TMED3: variants seen among roughly 807,000 people sequenced by gnomAD.
TMED3 encodes transmembrane emp24 domain-containing protein 3.
TMED3 carries 9 observed loss-of-function variants against 15.0 expected under a neutral mutation model. That is an observed-to-expected ratio of 0.60 (90% CI 0.36 to 1.04). The LOEUF is 1.04. TMED3 is among the 50% of genes least tolerant of loss of function. The pLI is 0.01. For missense variants in TMED3, 267 were observed against 278.9 expected, an observed-to-expected ratio of 0.96 and a Z score of 0.30; for synonymous variants, 117 against 121.4, an observed-to-expected ratio of 0.96 and a Z score of 0.24.
In TMED3 at chr15:79,321,972, G is replaced by T. The variant is rs1439481220; in HGVS notation, c.418-6G>T. ...GCAGTGTGACTGCTTTTCTCTTCCT[G>T]CCCAGATGGAGTCCGCCTGCGTGAC... On this transcript the variant is annotated splice_region_variant and splice_polypyrimidine_tract_variant and intron_variant, in intron 2 of 2. Transcript: ENST00000299705. 1 of 1,613,542 alleles carries T rather than the reference G, an allele frequency of 6.2e-7. No homozygotes were observed. The highest frequency in any genetic ancestry group is 8.5e-7 in the Non-Finnish European group (1 of 1,179,688).
At position 79,311,387 on chromosome 15, in the gene TMED3, G is replaced by A. The variant is rs1567020374; in HGVS notation, c.138G>A (p.Glu46=). ...AGCAGTGCTTCCACGAGGAGGTGGA[G>A]CAGGGCGTGAAGTTCTCCCTGGATT... is the stretch of plus-strand genomic sequence containing the variant. ...NAKQCFHEEV[E]QGVKFSLDYQ... The change falls in exon 1 of 3, where the codon GAG becomes GAA. Residue 46 remains glutamate (E), a synonymous_variant. Coordinates refer to ENST00000299705, the MANE Select transcript of TMED3 (RefSeq NM_007364.4). 1 of 1,611,532 alleles carries A rather than the reference G, an allele frequency of 6.2e-7. No individual in the cohort carries two copies. Among genetic ancestry groups the A allele is most frequent in the Non-Finnish European group, 8.5e-7 (1 of 1,179,262 alleles).
chr15:79,330,822 C>T (rs996506974), intron 2 of TMED3, among the ~76,000 whole-genome samples: 1 of 152,114 alleles, frequency 6.6e-6, no homozygotes, highest in Non-Finnish European at 1.5e-5. Flanking sequence ...ATGGTACTGG[C>T]ATAAAAACAG....
chr15:79,313,503 C>G (rs2058726431), intron 1 of TMED3, among the ~76,000 whole-genome samples: 1 of 152,208 alleles, frequency 6.6e-6, no homozygotes, highest in East Asian at 1.9e-4. Context: ...CATTGAAACC[C>G]TGCAGAGCAA....
chr15:79,408,447 G>A (rs961915807), intron 2 of TMED3, among the ~76,000 whole-genome samples: 1 of 152,222 alleles, frequency 6.6e-6, no homozygotes, highest in African/African-American at 2.4e-5. Flanking sequence ...CGGAGCCATA[G>A]GGCATCTGCA....
chr15:79,397,562 T>C (rs971353516), intron 2 of TMED3, among the ~76,000 whole-genome samples: 3 of 152,242 alleles, frequency 2.0e-5, no homozygotes, highest in African/African-American at 7.2e-5. Context: ...ATGATTGTTG[T>C]CTGTTTCATG....
chr15:79,323,003 G>A, downstream of TMED3: 2 of 678,246 alleles, frequency 2.9e-6, no homozygotes, highest in Non-Finnish European at 3.6e-6. Flanking sequence ...ACTCCTCCCA[G>A]GTGACTGAAA....
chr15:79,385,310 G>A (rs1893610629), intron 2 of TMED3, among the ~76,000 whole-genome samples: 1 of 152,152 alleles, frequency 6.6e-6, no homozygotes, highest in South Asian at 2.1e-4. Context: ...CAAGGTGAGA[G>A]GTCCGCACCT....
At chr15:79,391,778 A>G (rs1479900548) in intron 2 of TMED3, among the ~76,000 whole-genome samples, 1 of 152,120 alleles carries the variant, frequency 6.6e-6, no homozygotes, top group Non-Finnish European at 1.5e-5. Flanking sequence ...TTTGGTGCAT[A>G]TATGTTTAGA....
intron 2 of TMED3, among the ~76,000 whole-genome samples, chr15:79,388,883 A>G (rs943173921): frequency 4.6e-5 from 7 of 152,270 alleles, no homozygotes; most frequent in Non-Finnish European, 7.4e-5. Flanking sequence ...AGCCATTTGT[A>G]TATCTTCTTT....
In TMED3 at chr15:79,410,394, G is replaced by A. The variant is rs141310573; in HGVS notation, c.418-1006G>A. Among the ~76,000 whole-genome samples the A allele has an allele frequency of 3.1e-3, 477 of 152,246 alleles. 2 individuals carry two copies. Among genetic ancestry groups the A allele is most frequent in the African/African-American group, 0.011 (461 of 41,532 alleles). On this transcript the variant is annotated intron_variant, in intron 2 of 2. Coordinates refer to the TMED3 transcript ENST00000424155. ...TACTGACAGTATAGGAGAGGGTGAC[G>A]CTGTCATCTAATTGCATCTTCCTAA...
intron 2 of TMED3, among the ~76,000 whole-genome samples, chr15:79,411,179 A>G (rs183455066): frequency 6.6e-6 from 1 of 152,318 alleles, no homozygotes. Flanking sequence ...AGCCTGTTCA[A>G]TTTATCTTGT....
chr15:79,363,336 CT>C (rs1893166047), intron 2 of TMED3, among the ~76,000 whole-genome samples: 1 of 151,986 alleles, frequency 6.6e-6, no homozygotes, highest in Admixed American at 6.5e-5. Context: ...ATAGACCAGA[CT>C]AAAAACTTGT....
chr15:79,413,116 T>C (rs1389510055), exon 3 of TMED3: 1 of 152,096 alleles, frequency 6.6e-6, no homozygotes, highest in Admixed American at 6.5e-5. Flanking sequence ...TCTGCAAACA[T>C]GAGAAAGACC....
At chr15:79,318,312 C>G (rs2141215431) in intron 2 of TMED3, among the ~76,000 whole-genome samples, 1 of 152,270 alleles carries the variant, frequency 6.6e-6, no homozygotes, top group Middle Eastern at 3.4e-3. Flanking sequence ...TTTCTGAGAC[C>G]CAGGACTGTG....
At chr15:79,387,357 A>G (rs1399415565) in intron 2 of TMED3, among the ~76,000 whole-genome samples, 1 of 152,168 alleles carries the variant, frequency 6.6e-6, no homozygotes, top group Non-Finnish European at 1.5e-5. Context: ...TCAAATATCT[A>G]CATATGTGTC....
intron 2 of TMED3, among the ~76,000 whole-genome samples, chr15:79,345,280 T>C (rs571835538): frequency 7.2e-5 from 11 of 152,170 alleles, no homozygotes; most frequent in Non-Finnish European, 8.8e-5. Context: ...ATTAGTTATT[T>C]TTCCTGATCC....
chr15:79,408,410 G>A (rs1380728855), intron 2 of TMED3, among the ~76,000 whole-genome samples: 6 of 152,234 alleles, frequency 3.9e-5, no homozygotes, highest in Non-Finnish European at 7.3e-5. Context: ...GCAGTTTTGA[G>A]CTTAAGACAC....
chr15:79,411,643 G>A (rs968000709), exon 3 of TMED3: 19 of 611,162 alleles, frequency 3.1e-5, no homozygotes, highest in Non-Finnish European at 5.0e-5. Flanking sequence ...GGGAACAGGT[G>A]AGTTAAACTG....
chr15:79,359,947 G>A (rs993329231), intron 2 of TMED3, among the ~76,000 whole-genome samples: 2 of 152,138 alleles, frequency 1.3e-5, no homozygotes, highest in Non-Finnish European at 2.9e-5. Context: ...TAAATTTTTA[G>A]GACATTAAAG....
Sources: gnomAD v4.1 joint callset for allele counts (sites outside exome capture counted in the v4.1 genomes callset) on GRCh38, gnomAD v4.1.1 for gene constraint, MANE v1.5 for transcripts, NCBI Gene and HGNC (gene_info 2026-07-23, HGNC 2026-07-21) for gene names.